The following ATP9A variants were observed in gnomAD, a reference collection of about 807,000 sequenced individuals.
ATP9A encodes the protein probable phospholipid-transporting ATPase IIA.
ATP9A carries 52 observed loss-of-function variants against 144.1 expected under a neutral mutation model. The observed-to-expected ratio is 0.36, with a 90% CI of 0.29 to 0.45. The LOEUF (loss-of-function observed/expected upper bound fraction) is 0.45. Ranked by LOEUF, ATP9A falls within the 20% of genes least tolerant of loss-of-function variation. The pLI is 1.00. For missense variants in ATP9A, 947 were observed against 1,392.7 expected, an observed-to-expected ratio of 0.68 and a Z score of 5.09; for synonymous variants, 582 against 557.4, an observed-to-expected ratio of 1.04 and a Z score of -0.62.
At chr20:51,658,892 G>GGGGGGGGGT (rs2077399320) in intron 13 of ATP9A, among the ~76,000 whole-genome samples, 2 of 109,224 alleles carry the variant, frequency 1.8e-5, no homozygotes, top group African/African-American at 7.4e-5. Context: ...CACTGGCGGG[G>GGGGGGGGGT]GGGGGGGGGG....
intron 1 of ATP9A, among the ~76,000 whole-genome samples, chr20:51,733,375 A>G (rs2077750135): frequency 6.6e-6 from 1 of 150,836 alleles, no homozygotes; most frequent in Non-Finnish European, 1.5e-5. Context: ...CCCATTCCTC[A>G]TGCCTTTTTT....
At chr20:51,754,355 T>G (rs563894258) in intron 1 of ATP9A, among the ~76,000 whole-genome samples, 1 of 151,514 alleles carries the variant, frequency 6.6e-6, no homozygotes, top group South Asian at 2.1e-4. Flanking sequence ...TACAAAAAAG[T>G]AGCCAGGCCT....
At chr20:51,697,505 T>C (rs752212936) in intron 4 of ATP9A, 23 bp from the exon 5 acceptor site, 1 of 1,610,830 alleles carries the variant, frequency 6.2e-7, no homozygotes, top group Admixed American at 1.7e-5. Flanking sequence ...AGGTTCAAGA[T>C]ACATCACCAT....
intron 22 of ATP9A, among the ~76,000 whole-genome samples, chr20:51,615,576 C>G (rs1381900440): frequency 6.6e-6 from 1 of 152,102 alleles, no homozygotes; most frequent in Non-Finnish European, 1.5e-5. Flanking sequence ...AGAGAATAAC[C>G]AGTGTTACTC....
chr20:51,601,100 T>G lies in ATP9A; in HGVS notation c.*111A>C. On this transcript the variant is annotated 3_prime_UTR_variant, in exon 28 of 28. Coordinates refer to ENST00000338821, the MANE Select transcript of ATP9A (RefSeq NM_006045.3). ...AGAGCCACTTCCCATTAAAACTGCA[T>G]GTGTTAGCAATTACTGCAAAATCCA... is the stretch of plus-strand genomic sequence containing the variant. 7.5e-7 allele frequency: 1 copy of G among 1,329,176 alleles called. No individual in the cohort carries two copies. The highest frequency in any genetic ancestry group is 1.6e-5 in the South Asian group (1 of 63,926). 82.3% of individuals were successfully genotyped at this position (1,329,176 alleles called of 1,614,324 possible).
chr20:51,618,175 G>A (rs1327633618), intron 21 of ATP9A, among the ~76,000 whole-genome samples: 1 of 150,810 alleles, frequency 6.6e-6, no homozygotes, highest in African/African-American at 2.4e-5. Context: ...AGCTGAGATT[G>A]TGTCATTGCA....
At chr20:51,671,405 C>T (rs1472078878) in intron 11 of ATP9A, 148 bp from the exon 12 acceptor site, 5 of 789,928 alleles carry the variant, frequency 6.3e-6, no homozygotes, top group Non-Finnish European at 7.9e-6. Context: ...CGCACAGACT[C>T]AGCAAGAGCC....
At chr20:51,729,659 C>T (rs903674263) in intron 2 of ATP9A, among the ~76,000 whole-genome samples, 175 bp downstream of exon 2, 1 of 152,018 alleles carries the variant, frequency 6.6e-6, no homozygotes, top group Admixed American at 6.6e-5. Flanking sequence ...GCAGGAGAAT[C>T]GCTTGAACTC....
chr20:51,660,071 G>A (rs772425126), intron 13 of ATP9A, among the ~76,000 whole-genome samples: 1 of 152,094 alleles, frequency 6.6e-6, no homozygotes. Flanking sequence ...AGACTAAATC[G>A]AGAACCCTTT....
chr20:51,760,516 CA>C (rs1266700821), intron 1 of ATP9A, among the ~76,000 whole-genome samples: 1 of 150,342 alleles, frequency 6.7e-6, no homozygotes, highest in Non-Finnish European at 1.5e-5. Context: ...CACCTGAGGT[CA>C]GGAGTTCGAG....
At chr20:51,717,301 T>A (rs982549397) in intron 3 of ATP9A, among the ~76,000 whole-genome samples, 1 of 152,008 alleles carries the variant, frequency 6.6e-6, no homozygotes, top group African/African-American at 2.4e-5. Context: ...CGTTTCAAAA[T>A]GTCTTCTAGC....
At chr20:51,654,918 C>A (rs2077381069) in intron 14 of ATP9A, among the ~76,000 whole-genome samples, 1 of 152,166 alleles carries the variant, frequency 6.6e-6, no homozygotes, top group African/African-American at 2.4e-5. Flanking sequence ...CTGTGTCACA[C>A]AAGCCTCCTC....
Position 51,698,504 on chromosome 20 carries a change from T to C in ATP9A, c.437-1022A>G, listed in dbSNP as rs376610902. On this transcript the variant is annotated intron_variant, in intron 4 of 27. Transcript: ENST00000338821. ...CATGTCACTCCGGCCTGGGCAACAG[T>C]GAGACCCTGTCTCAACAGCCAGACA... Among the ~76,000 whole-genome samples, 20 of 152,240 alleles carry C rather than the reference T, an allele frequency of 1.3e-4. 3 individuals are homozygous for C. Among genetic ancestry groups the C allele is most frequent in the Admixed American group, 2.0e-4 (3 of 15,274 alleles).
rs1203836870 is a variant in ATP9A, at chr20:51,721,233, C to T, written c.327+4586G>A. ...ACGTCTACACCAAATCCTTATCATC[C>T]CTCACCTACTGCCAACAGCAAAAAG... On this transcript the variant is annotated intron_variant, in intron 3 of 27. Coordinates refer to ENST00000338821, the MANE Select transcript of ATP9A (RefSeq NM_006045.3). 1.3e-5 allele frequency among the ~76,000 whole-genome samples: 2 copies of T among 152,242 alleles called. 1 individual carries two copies. The highest frequency in any genetic ancestry group is 4.1e-4 in the South Asian group (2 of 4,830).
intron 9 of ATP9A, among the ~76,000 whole-genome samples, chr20:51,682,456 G>A (rs143163256): frequency 2.2e-3 from 335 of 151,976 alleles, no homozygotes; most frequent in Admixed American, 4.0e-3. Context: ...GATGCAACGG[G>A]ACATGACAAC....
rs548990991 is a variant in ATP9A at position 51,700,549 on chromosome 20, C to T, written c.437-3067G>A. Reference sequence around the variant, plus strand: ...AAAAGAGAGACAGAGAAAGAGAGAGCGCCGGGCATGGTGGCTCACACCTGC... The same window carrying T: ...AAAAGAGAGACAGAGAAAGAGAGAGTGCCGGGCATGGTGGCTCACACCTGC... On this transcript the variant is annotated intron_variant, in intron 4 of 27. Coordinates refer to ENST00000338821, the MANE Select transcript of ATP9A (RefSeq NM_006045.3). Among the ~76,000 whole-genome samples, 8 of 152,070 alleles carry T rather than the reference C, an allele frequency of 5.3e-5. No individual in the cohort carries two copies. In the South Asian group the frequency reaches 6.2e-4, roughly 12 times the overall value.
intron 7 of ATP9A, among the ~76,000 whole-genome samples, chr20:51,691,242 G>A (rs1197030570): frequency 2.6e-5 from 4 of 152,142 alleles, no homozygotes; most frequent in Non-Finnish European, 2.9e-5. Context: ...TGAAGTGGGC[G>A]GATCACTTGA....
intron 14 of ATP9A, among the ~76,000 whole-genome samples, chr20:51,652,884 G>A (rs990074805): frequency 3.3e-5 from 5 of 151,960 alleles, no homozygotes; most frequent in African/African-American, 4.8e-5. Flanking sequence ...CAAGGCGGGC[G>A]GATCACGAGG....
chr20:51,752,164 G>A (rs1003686712), intron 1 of ATP9A, among the ~76,000 whole-genome samples: 4 of 152,194 alleles, frequency 2.6e-5, no homozygotes, highest in Non-Finnish European at 5.9e-5. Context: ...CTGAGACCTG[G>A]GAGACAAGAG....
Sources: gnomAD v4.1 joint callset for allele counts (sites outside exome capture counted in the v4.1 genomes callset) on GRCh38, gnomAD v4.1.1 for gene constraint, MANE v1.5 for transcripts, NCBI Gene and HGNC (gene_info 2026-07-23, HGNC 2026-07-21) for gene names.